Variants in DST observed in about 807,000 individuals in gnomAD.
DST encodes the protein bullous pemphigoid antigen.
Under a neutral mutation model 875.2 loss-of-function variants are expected in DST, and 253 were observed. The ratio of observed to expected loss-of-function variants is 0.29; its 90% CI spans 0.26 to 0.32. The LOEUF is 0.32. Among genes scored for constraint, DST ranks in the 10% least tolerant of loss-of-function variants. DST has a pLI of 1.00. For synonymous variants in DST, 3,124 were observed against 3,197.1 expected (o/e 0.98, Z 0.77); for missense variants, 8,287 against 9,111.6 (o/e 0.91, Z 3.68).
chr6:56,568,408 A>G (rs1427765983), intron 55 of DST, 61 bp downstream of exon 55: 1 of 1,530,836 alleles, frequency 6.5e-7, no homozygotes, highest in Non-Finnish European at 8.8e-7. Flanking sequence ...TAACATACAC[A>G]AAATTGACAT....
chr6:56,843,996 G>A (rs2099804124), intron 4 of DST: 1 of 152,406 alleles, frequency 6.6e-6, no homozygotes, highest in African/African-American at 2.4e-5. Context: ...ACAGGTGCCT[G>A]AGAAACAAAG....
chr6:56,579,517 G>T (rs1428733110), intron 49 of DST, among the ~76,000 whole-genome samples: 2 of 152,146 alleles, frequency 1.3e-5, no homozygotes, highest in East Asian at 1.9e-4. Flanking sequence ...GCAGGAAGTG[G>T]TAAGTGCCAC....
At chr6:56,802,699 C>T (rs992598190) in intron 4 of DST, among the ~76,000 whole-genome samples, 4 of 152,178 alleles carry the variant, frequency 2.6e-5, no homozygotes, top group African/African-American at 9.7e-5. Flanking sequence ...ACACACATTA[C>T]ACCCATTGAT....
chr6:56,791,106 A>G (rs896142034), intron 4 of DST, among the ~76,000 whole-genome samples: 14 of 152,368 alleles, frequency 9.2e-5, no homozygotes, highest in African/African-American at 3.4e-4. Flanking sequence ...GATCCATGCT[A>G]CTATGTATCC....
intron 17 of DST, among the ~76,000 whole-genome samples, chr6:56,641,349 G>A (rs1475214822): frequency 6.6e-6 from 1 of 152,174 alleles, no homozygotes; most frequent in Non-Finnish European, 1.5e-5. Context: ...CATTTTGGGA[G>A]GCTGAGGCAG....
At chr6:56,696,710 A>G (rs184757787) in intron 9 of DST, among the ~76,000 whole-genome samples, 1 of 152,238 alleles carries the variant, frequency 6.6e-6, no homozygotes, top group African/African-American at 2.4e-5. Flanking sequence ...CCTCTACTCC[A>G]TCTTAATTTT....
intron 75 of DST, among the ~76,000 whole-genome samples, chr6:56,507,708 G>A (rs563324145): frequency 2.0e-5 from 3 of 152,282 alleles, no homozygotes; most frequent in East Asian, 1.9e-4. Flanking sequence ...GTAGCAGGGA[G>A]GGAGTTTGGT....
At chr6:56,673,181 G>A (rs1194987124) in intron 9 of DST, among the ~76,000 whole-genome samples, 1 of 152,122 alleles carries the variant, frequency 6.6e-6, no homozygotes, top group Non-Finnish European at 1.5e-5. Flanking sequence ...GGAGGTTGAG[G>A]CTGTAGTGAG....
intron 4 of DST, among the ~76,000 whole-genome samples, chr6:56,764,410 G>A (rs568189895): frequency 6.6e-5 from 10 of 152,178 alleles, no homozygotes; most frequent in Non-Finnish European, 8.8e-5. Context: ...GGAGCCCCAC[G>A]ACATGCTGCT....
chr6:56,802,823 A>T (rs1260794525), intron 4 of DST, among the ~76,000 whole-genome samples: 2 of 152,204 alleles, frequency 1.3e-5, no homozygotes, highest in Non-Finnish European at 2.9e-5. Context: ...ACCAATATAA[A>T]CATCCCCATT....
At position 56,941,160 on chromosome 6, in the gene DST, T is replaced by C. The variant is rs562650162; in HGVS notation, c.216+12625A>G. ...GTTAATTGATTTTAGACTTTCCTTC[T>C]TTTCTAAGATAAGCAGTTAAAGCTA... On this transcript the variant is annotated intron_variant, in intron 2 of 103. Coordinates refer to ENST00000680361, the MANE Select transcript of DST (RefSeq NM_001374736.1). 2.6e-5 allele frequency among the ~76,000 whole-genome samples: 4 copies of C among 152,322 alleles called. No homozygotes were observed. The East Asian group carries it at 7.7e-4, about 29-fold the overall frequency.
chr6:56,785,141 G>A (rs907787036), intron 4 of DST, among the ~76,000 whole-genome samples: 8 of 152,180 alleles, frequency 5.3e-5, no homozygotes, highest in African/African-American at 1.9e-4. Flanking sequence ...CCCCTACTGG[G>A]GGGTGCCTCC....
chr6:56,578,881 C>G lies in DST; in HGVS notation c.12960G>C (p.Thr4320=). 1 of 1,609,068 alleles carries G rather than the reference C, an allele frequency of 6.2e-7. No individual in the cohort carries two copies. The highest frequency in any genetic ancestry group is 1.7e-4 in the Middle Eastern group (1 of 6,048). ...QQVAVEKLKK[T]AEVLLDARGS... ...CCCTGGCATCTAAAAGCACTTCAGC[C>G]GTTTTCTTCAGTTTCTCTACAGCAA... The change falls in exon 50 of 104, where the codon ACG becomes ACC. Residue 4320 remains threonine (T), a synonymous_variant. Coordinates refer to ENST00000680361, the MANE Select transcript of DST (RefSeq NM_001374736.1).
At chr6:56,697,682 T>G (rs1444505562) in intron 9 of DST, among the ~76,000 whole-genome samples, 3 of 152,212 alleles carry the variant, frequency 2.0e-5, no homozygotes, top group South Asian at 4.1e-4. Flanking sequence ...ATTGCCCCAG[T>G]GATCCTTCGT....
rs775629808 is a variant in DST, at chr6:56,592,191, T to G, written c.12894A>C (p.Glu4298Asp). Residue 4298 changes from glutamate to aspartate, a missense_variant, in exon 49 of 104, where the codon GAA becomes GAC. Coordinates refer to ENST00000680361, the MANE Select transcript of DST (RefSeq NM_001374736.1). ...TTCTCTCGCTTTTTACCTTGGTCTC[T>G]TCTAATTGCCTTTGAAGATTTTTGG... ...VDPKNLQRQL[E>D]ETKALQGQIS... 1 of 1,613,454 alleles carries G rather than the reference T, an allele frequency of 6.2e-7. No individual in the cohort carries two copies. Among genetic ancestry groups the G allele is most frequent in the Non-Finnish European group, 8.5e-7 (1 of 1,179,670 alleles).
chr6:56,528,885 T>C lies in DST; in HGVS notation c.17636A>G (p.Asp5879Gly). Residue 5879 changes from aspartate (D) to glycine (G), a missense_variant, in exon 67 of 104, where the codon GAT (aspartate) becomes GGT (glycine). Physicochemically the swap from Asp to Gly is moderately conservative, Grantham distance 94. Around this residue, in one of 10 missense-constraint regions of DST, gnomAD observed 777 missense variants for 764.8 expected, o/e 1.02. Transcript: ENST00000680361. ...TTCTAAACCATTTAGTAAAGCCTGA[T>C]CTACATTTTGTTTCCTGAGTAAGAT... Reference protein sequence around the residue: ...EDILLRKQNVDQALLNGLELL... With the variant: ...EDILLRKQNVGQALLNGLELL... 6.3e-7 allele frequency: 1 copy of C among 1,587,566 alleles called. No homozygotes were observed. The highest frequency in any genetic ancestry group is 8.6e-7 in the Non-Finnish European group (1 of 1,164,764).
intron 4 of DST, among the ~76,000 whole-genome samples, chr6:56,798,872 A>G (rs2099743523): frequency 6.6e-6 from 1 of 152,184 alleles, no homozygotes; most frequent in African/African-American, 2.4e-5. Context: ...CTCATGGATG[A>G]CTTTGAAGGG....
rs748882705 is a variant in DST, at chr6:56,602,898, C to A, written c.11291G>T (p.Arg3764Leu). ...GATACTTGCCTTGAGAAACTCCAAA[C>A]GTTTCTTTACATACTCAGAATCTTG... ...NVQDSEYVKK[R>L]LEFLKNVLKD... Residue 3764 changes from arginine (R) to leucine (L), a missense_variant, in exon 43 of 104, where the codon CGT (arginine) becomes CTT (leucine). By Grantham distance (102) the Arg-to-Leu change is moderately radical. Transcript: ENST00000680361. The A allele has an allele frequency of 6.5e-7, 1 of 1,540,360 alleles. No homozygotes were observed. The highest frequency in any genetic ancestry group is 8.7e-7 in the Non-Finnish European group (1 of 1,152,290).
At chr6:56,851,016 A>G (rs572068507) in intron 4 of DST, 19 of 216,952 alleles carry the variant, frequency 8.8e-5, no homozygotes, top group Non-Finnish European at 1.6e-4. Flanking sequence ...CCTGGGCAAA[A>G]ATGAAAATAA....
Sources: gnomAD v4.1 joint callset for allele counts (sites outside exome capture counted in the v4.1 genomes callset) on GRCh38, gnomAD v4.1.1 for gene constraint, gnomAD v4.1.1 regional missense constraint, MANE v1.5 for transcripts, NCBI Gene and HGNC (gene_info 2026-07-23, HGNC 2026-07-21) for gene names.